The following DACH2 variants were observed in gnomAD, a reference collection of about 807,000 sequenced individuals.
The protein encoded by DACH2 is dachshund family transcription factor 2.
In DACH2, 17 loss-of-function variants were observed where a neutral mutation model predicts 35.8. The observed-to-expected ratio is 0.48, with a 90% confidence interval of 0.33 to 0.71. The LOEUF (loss-of-function observed/expected upper bound fraction) is 0.71, where lower values mean the gene tolerates loss of function less well. Ranked by LOEUF, DACH2 falls within the 30% of genes least tolerant of loss-of-function variation. DACH2 has a pLI of 0.02. For synonymous variants in DACH2, 195 were observed against 177.3 expected, an observed-to-expected ratio of 1.10 and a Z score of -0.79; for missense variants, 469 against 472.7, an observed-to-expected ratio of 0.99 and a Z score of 0.07.
At chrX:86,523,745 G>A (rs1274479212) in intron 3 of DACH2, among the ~76,000 whole-genome samples, 1 of 110,192 alleles carries the variant, frequency 9.1e-6, no homozygotes, top group Non-Finnish European at 1.9e-5. Flanking sequence ...ATGAATCTGG[G>A]TGGGGTCAGG....
At chrX:86,579,368 T>C (rs1182945251) in intron 3 of DACH2, among the ~76,000 whole-genome samples, 2 of 111,494 alleles carry the variant, frequency 1.8e-5, no homozygotes, top group Non-Finnish European at 3.8e-5. Flanking sequence ...GCTAGGATTA[T>C]AGATGTGAGG....
chrX:86,426,026 C>A (rs1036141777), intron 2 of DACH2, among the ~76,000 whole-genome samples: 3 of 111,241 alleles, frequency 2.7e-5, no homozygotes, highest in African/African-American at 9.8e-5. Flanking sequence ...AAACCGCATG[C>A]TTAGAAGACT....
Position 86,800,649 on chromosome X carries a change from C to CT in DACH2, c.1241-12200dup, listed in dbSNP as rs1413820129. 4.5e-5 allele frequency among the ~76,000 whole-genome samples: 5 copies of CT among 111,050 alleles called. No individual in the cohort carries two copies. In the South Asian group the frequency reaches 1.5e-3, roughly 33 times the overall value. ...GAAATTTTCAGGTGAGAAGCAACAG[C>CT]TTTTTTTGTTTGTTTGTTTCTTTGT... is the stretch of plus-strand genomic sequence containing the variant. On this transcript the variant is annotated intron_variant, in intron 7 of 11. Transcript: ENST00000373125.
intron 2 of DACH2, among the ~76,000 whole-genome samples, chrX:86,472,659 C>T (rs1327100222): frequency 3.6e-5 from 4 of 111,735 alleles, no homozygotes; most frequent in Admixed American, 2.9e-4. Flanking sequence ...TTGATGAGTA[C>T]CAATAGTTAT....
intron 2 of DACH2, among the ~76,000 whole-genome samples, chrX:86,452,696 GCTT>G (rs1450219939): frequency 2.7e-5 from 3 of 110,857 alleles, no homozygotes; most frequent in Non-Finnish European, 5.7e-5. Context: ...GATTGTGTTT[GCTT>G]CTTCTCTCTT....
intron 1 of DACH2, among the ~76,000 whole-genome samples, chrX:86,295,257 A>G (rs1398230633): frequency 1.8e-5 from 2 of 112,191 alleles, no homozygotes; most frequent in African/African-American, 6.5e-5. Flanking sequence ...AAGTGAGGCA[A>G]TGCCTCGCCC....
rs181746956 is a variant in DACH2, at chrX:86,619,678, C to T, written c.641-31358C>T. Among the ~76,000 whole-genome samples the T allele has an allele frequency of 2.2e-3, 243 of 111,872 alleles. 1 individual carries two copies. The highest frequency in any genetic ancestry group is 3.5e-3 in the Non-Finnish European group (185 of 53,135). ...ATACTGCATAATACTGACCTATCAT[C>T]TTTTTCCCACGCAAACTGTGCAAGT... On this transcript the variant is annotated intron_variant, in intron 3 of 11. Transcript: ENST00000373125.
chrX:86,569,521 G>A (rs145862588), intron 3 of DACH2, among the ~76,000 whole-genome samples: 328 of 111,152 alleles, frequency 3.0e-3, no homozygotes, highest in Middle Eastern at 0.023. Flanking sequence ...CAGATTATAC[G>A]TTCACCCATC....
chrX:86,773,470 C>T (rs2042005114), intron 7 of DACH2, among the ~76,000 whole-genome samples: 1 of 111,862 alleles, frequency 8.9e-6, no homozygotes, highest in Non-Finnish European at 1.9e-5. Context: ...TGGTTTAACA[C>T]AAATCTGATT....
intron 1 of DACH2, among the ~76,000 whole-genome samples, chrX:86,263,421 G>A (rs2033661353): frequency 9.0e-6 from 1 of 111,516 alleles, no homozygotes; most frequent in South Asian, 3.7e-4. Flanking sequence ...GTTCAGGTTG[G>A]AGACATCAAG....
At chrX:86,328,490 G>A (rs2035154841) in intron 1 of DACH2, among the ~76,000 whole-genome samples, 1 of 111,791 alleles carries the variant, frequency 8.9e-6, no homozygotes, top group Non-Finnish European at 1.9e-5. Flanking sequence ...ATGCAGTATT[G>A]TTTTTAACCA....
At chrX:86,340,705 G>T (rs2035398387) in intron 1 of DACH2, among the ~76,000 whole-genome samples, 4 of 112,014 alleles carry the variant, frequency 3.6e-5, no homozygotes, top group Admixed American at 2.9e-4. Flanking sequence ...AAAACAGTTT[G>T]CCAGGTCATG....
intron 6 of DACH2, among the ~76,000 whole-genome samples, chrX:86,715,329 T>G (rs1236107615): frequency 8.9e-6 from 1 of 111,833 alleles, no homozygotes; most frequent in Non-Finnish European, 1.9e-5. Flanking sequence ...TGCATTAACA[T>G]TATAATGTTA....
chrX:86,180,773 G>A (rs1390248976), intron 1 of DACH2, among the ~76,000 whole-genome samples: 4 of 111,827 alleles, frequency 3.6e-5, no homozygotes, highest in African/African-American at 1.3e-4. Context: ...AGGGAAAAAT[G>A]CTTAATCTAT....
At chrX:86,499,818 T>C (rs1007747701) in intron 2 of DACH2, among the ~76,000 whole-genome samples, 1 of 112,067 alleles carries the variant, frequency 8.9e-6, no homozygotes, top group Admixed American at 9.5e-5. Context: ...ATTACCACAA[T>C]GCTTTCCTTT....
At chrX:86,301,442 A>T (rs1336981356) in intron 1 of DACH2, among the ~76,000 whole-genome samples, 1 of 111,471 alleles carries the variant, frequency 9.0e-6, no homozygotes, top group African/African-American at 3.3e-5. Flanking sequence ...CTTGAAATAT[A>T]AAAAAAACTG....
intron 1 of DACH2, among the ~76,000 whole-genome samples, chrX:86,316,394 G>A (rs928292735): frequency 9.0e-6 from 1 of 110,927 alleles, no homozygotes; most frequent in African/African-American, 3.3e-5. Flanking sequence ...TGCCTGAGTT[G>A]TTTATCTGTG....
intron 7 of DACH2, among the ~76,000 whole-genome samples, chrX:86,764,124 G>T (rs5968982): frequency 0.2 from 22,492 of 111,195 alleles, 1,750 homozygotes; most frequent in East Asian, 0.47. Context: ...AGATATAAAG[G>T]AATAAATATT....
chrX:86,456,051 A>T (rs1231622501), intron 2 of DACH2, among the ~76,000 whole-genome samples: 1 of 111,964 alleles, frequency 8.9e-6, no homozygotes, highest in Non-Finnish European at 1.9e-5. Context: ...GGGTAGCACA[A>T]TCACTCACCA....
Sources: gnomAD v4.1 joint callset for allele counts (sites outside exome capture counted in the v4.1 genomes callset) on GRCh38, gnomAD v4.1.1 for gene constraint, MANE v1.5 for transcripts, NCBI Gene and HGNC (gene_info 2026-07-23, HGNC 2026-07-21) for gene names.